The following NALF1 variants were observed in gnomAD, a reference collection of about 807,000 sequenced individuals.
NALF1 encodes the protein family with sequence similarity 155 member A.
In NALF1, 3 loss-of-function variants were observed where a neutral mutation model predicts 48.4. The ratio of observed to expected loss-of-function variants is 0.06; its 90% CI spans 0.03 to 0.16. NALF1 has a LOEUF of 0.16. NALF1 is among the 10% of genes least tolerant of loss of function. The pLI, the probability that NALF1 is intolerant of heterozygous loss-of-function variation, is 1.00. For synonymous variants in NALF1, 262 were observed against 245.7 expected, an observed-to-expected ratio of 1.07 and a Z score of -0.62; for missense variants, 526 against 571.5, an observed-to-expected ratio of 0.92 and a Z score of 0.81.
At chr13:107,358,461 A>C (rs1161071558) in intron 1 of NALF1, among the ~76,000 whole-genome samples, 2 of 152,192 alleles carry the variant, frequency 1.3e-5, no homozygotes, top group African/African-American at 4.8e-5. Flanking sequence ...ATATATTTTT[A>C]ACCTCATTTA....
intron 1 of NALF1, among the ~76,000 whole-genome samples, chr13:107,559,601 G>A (rs1378445129): frequency 1.3e-5 from 2 of 152,072 alleles, no homozygotes; most frequent in African/African-American, 2.4e-5. Flanking sequence ...GGTGTTCTGG[G>A]GAGGAACAAC....
At chr13:107,782,430 T>G (rs1178587996) in intron 1 of NALF1, among the ~76,000 whole-genome samples, 4 of 152,140 alleles carry the variant, frequency 2.6e-5, no homozygotes, top group African/African-American at 7.2e-5. Context: ...CCGCCTGCCT[T>G]GGCCTCCCAA....
At chr13:107,291,375 A>G (rs1594106902) in intron 1 of NALF1, among the ~76,000 whole-genome samples, 1 of 152,022 alleles carries the variant, frequency 6.6e-6, no homozygotes, top group East Asian at 1.9e-4. Flanking sequence ...CACCAATATG[A>G]CACAAGTGGA....
At chr13:107,841,796 C>T (rs567356253) in intron 1 of NALF1, among the ~76,000 whole-genome samples, 65 of 151,740 alleles carry the variant, frequency 4.3e-4, no homozygotes, top group African/African-American at 1.2e-3. Flanking sequence ...AAAATGTACG[C>T]CTTTTTTTAT....
Position 107,281,439 on chromosome 13 carries a change from A to C in NALF1, c.916-70684T>G, listed in dbSNP as rs200823440. 2.6e-5 allele frequency among the ~76,000 whole-genome samples: 4 copies of C among 152,312 alleles called. No homozygotes were observed. In the East Asian group the frequency reaches 7.7e-4, roughly 29 times the overall value. ...GAGGGGAAAATATTTCAAGGAGAGC[A>C]AACAAAATGAGAAAAGACATAGAGG... On this transcript the variant is annotated intron_variant, in intron 1 of 2. Transcript: ENST00000375915.
chr13:107,238,154 A>C (rs1162692416), intron 1 of NALF1, among the ~76,000 whole-genome samples: 1 of 152,228 alleles, frequency 6.6e-6, no homozygotes, highest in Admixed American at 6.5e-5. Context: ...CCTGTTAAGC[A>C]GATATGACTT....
chr13:107,271,926 A>T (rs984343007), intron 1 of NALF1, among the ~76,000 whole-genome samples: 2 of 151,252 alleles, frequency 1.3e-5, no homozygotes, highest in Non-Finnish European at 2.9e-5. Context: ...ATATGAGCAC[A>T]TAACTCTCTA....
chr13:107,660,484 CAACAAAGAAACAAAAAA>C (rs1880707701), intron 1 of NALF1, among the ~76,000 whole-genome samples: 2 of 139,116 alleles, frequency 1.4e-5, no homozygotes, highest in Non-Finnish European at 3.1e-5. Flanking sequence ...CACACACACA[CAACAAAGAAACAAAAAA>C]ACAAACAAAA....
chr13:107,290,195 A>C (rs894509499), intron 1 of NALF1, among the ~76,000 whole-genome samples: 4 of 152,092 alleles, frequency 2.6e-5, no homozygotes, highest in Non-Finnish European at 4.4e-5. Flanking sequence ...AACAAAAAAA[A>C]AAACCAGAAA....
rs753831832 is a variant in NALF1, at chr13:107,866,352, T to TGCTGCTGCTGCTGCC, written c.230_244dup (p.Arg77_Gln81dup). ...CTGCCGCTGCCTCTGCTGCTGCTGC[T>TGCTGCTGCTGCTGCC]GCTGCTGCTGCTGCCGCTGCTGCTG... On this transcript the variant is annotated inframe_insertion, in exon 1 of 3. Coordinates refer to ENST00000375915, the MANE Select transcript of NALF1 (RefSeq NM_001080396.3). The surrounding 1 kb of genome is among the most constrained non-coding windows in gnomAD (Gnocchi z 4.4). 13 of 1,610,764 alleles carry TGCTGCTGCTGCTGCC rather than the reference T, an allele frequency of 8.1e-6. No homozygotes were observed. Among genetic ancestry groups the TGCTGCTGCTGCTGCC allele is most frequent in the African/African-American group, 1.3e-5 (1 of 75,012 alleles).
chr13:107,264,591 A>C (rs1881003653), intron 1 of NALF1, among the ~76,000 whole-genome samples: 1 of 152,238 alleles, frequency 6.6e-6, no homozygotes, highest in Admixed American at 6.5e-5. Flanking sequence ...TGCCCTTTGC[A>C]GCAACCTTCA....
At chr13:107,267,869 C>T (rs1594096947) in intron 1 of NALF1, among the ~76,000 whole-genome samples, 2 of 152,070 alleles carry the variant, frequency 1.3e-5, no homozygotes, top group East Asian at 1.9e-4. Context: ...ATAGACAGCC[C>T]GGACAAAGGG....
intron 1 of NALF1, among the ~76,000 whole-genome samples, chr13:107,806,028 C>T (rs953655759): frequency 2.0e-5 from 3 of 152,082 alleles, no homozygotes; most frequent in Non-Finnish European, 4.4e-5. Context: ...TAGAAAGAAA[C>T]GAAGAAAGAT....
chr13:107,688,244 C>A (rs1881483630), intron 1 of NALF1, among the ~76,000 whole-genome samples: 1 of 152,102 alleles, frequency 6.6e-6, no homozygotes, highest in African/African-American at 2.4e-5. Context: ...TTCCCCAAGG[C>A]TAGAGAGATA....
At chr13:107,596,108 T>C (rs1878738053) in intron 1 of NALF1, among the ~76,000 whole-genome samples, 1 of 152,194 alleles carries the variant, frequency 6.6e-6, no homozygotes, top group African/African-American at 2.4e-5. Context: ...GAATGATCTG[T>C]GGGAGAAGGC....
intron 1 of NALF1, among the ~76,000 whole-genome samples, chr13:107,438,721 A>G (rs1884502347): frequency 6.8e-6 from 1 of 148,126 alleles, no homozygotes; most frequent in South Asian, 2.2e-4. Context: ...GCAACTCAGG[A>G]GGCTGAGGCT....
chr13:107,828,496 T>TTG (rs2138624201), intron 1 of NALF1, among the ~76,000 whole-genome samples: 1 of 150,918 alleles, frequency 6.6e-6, no homozygotes, highest in East Asian at 1.9e-4. Flanking sequence ...TGACTTGTTT[T>TTG]TTTTTTTTTT....
At chr13:107,380,329 T>G (rs1365299314) in intron 1 of NALF1, among the ~76,000 whole-genome samples, 1 of 152,208 alleles carries the variant, frequency 6.6e-6, no homozygotes, top group Non-Finnish European at 1.5e-5. Flanking sequence ...TATGTGATAG[T>G]GATTACAAGA....
At chr13:107,184,825 T>G (rs1011949471) in intron 2 of NALF1, among the ~76,000 whole-genome samples, 2 of 152,218 alleles carry the variant, frequency 1.3e-5, no homozygotes, top group Non-Finnish European at 2.9e-5. Flanking sequence ...CATCCATATT[T>G]AATTTTCTGT....
Sources: allele counts gnomAD v4.1 joint callset (sites outside exome capture counted in the v4.1 genomes callset), GRCh38; gene constraint gnomAD v4.1.1; non-coding constraint Gnocchi (gnomAD v3.1); transcripts MANE v1.5; gene names NCBI Gene and HGNC (gene_info 2026-07-23, HGNC 2026-07-21).